ASTL: variants seen among roughly 807,000 people sequenced by gnomAD.
ASTL encodes astacin like metalloendopeptidase.
In ASTL, 27 loss-of-function variants were observed where a neutral mutation model predicts 36.7. The ratio of observed to expected loss-of-function variants is 0.73; its 90% CI spans 0.54 to 1.01. ASTL has a LOEUF of 1.01. ASTL is among the 50% of genes least tolerant of loss of function. The pLI is 0.00. For missense variants in ASTL, 524 were observed against 572.8 expected, an observed-to-expected ratio of 0.91 and a Z score of 0.87; for synonymous variants, 222 against 228.1, an observed-to-expected ratio of 0.97 and a Z score of 0.24.
chr2:96,126,678 A>C (rs1682070154), intron 8 of ASTL, among the ~76,000 whole-genome samples: 1 of 152,158 alleles, frequency 6.6e-6, no homozygotes, highest in Admixed American at 6.5e-5. Flanking sequence ...CAACATGGTG[A>C]AACCCCATCT....
At chr2:96,129,125 A>T (rs1424845180) in intron 8 of ASTL, among the ~76,000 whole-genome samples, 2 of 152,188 alleles carry the variant, frequency 1.3e-5, no homozygotes, top group Non-Finnish European at 2.9e-5. Context: ...GGGAAGACTG[A>T]ATTTTTATAA....
chr2:96,123,753 G>A lies in ASTL; in HGVS notation c.*97C>T. 1.0e-6 allele frequency: 1 copy of A among 979,322 alleles called. No individual in the cohort carries two copies. The highest frequency in any genetic ancestry group is 1.5e-6 in the Non-Finnish European group (1 of 646,590). 60.7% of individuals were successfully genotyped at this position (979,322 alleles called of 1,614,324 possible). A position where few individuals can be genotyped will look rare whatever the true frequency, so the allele number is the denominator to read the frequency against. ...TGAGATGGGGTGGTAGGTTGGGGCTGGAAGACAGTGGTGTGGCCCAAAGGA... is the reference window on the plus strand; with the variant it reads ...TGAGATGGGGTGGTAGGTTGGGGCTAGAAGACAGTGGTGTGGCCCAAAGGA... On this transcript the variant is annotated 3_prime_UTR_variant, in exon 9 of 9. Transcript: ENST00000342380.
rs190715322 is a variant in ASTL, at chr2:96,126,464, C to G, written c.875-2193G>C. Among the ~76,000 whole-genome samples, 6 of 152,318 alleles carry G rather than the reference C, an allele frequency of 3.9e-5. No individual in the cohort carries two copies. The East Asian group carries it at 1.2e-3, about 29-fold the overall frequency. On this transcript the variant is annotated intron_variant, in intron 8 of 8. Coordinates refer to ENST00000342380, the MANE Select transcript of ASTL (RefSeq NM_001002036.4). ...ACAATGAGATACTACTTCACACTCA[C>G]TAGGCTGGTTCTAACCAAAATGATA...
chr2:96,132,550 C>T lies in ASTL; in HGVS notation c.627G>A (p.Glu209=). 6.3e-7 allele frequency: 1 copy of T among 1,596,326 alleles called. No individual in the cohort carries two copies. The highest frequency in any genetic ancestry group is 8.6e-7 in the Non-Finnish European group (1 of 1,166,360). ...RDRYIRVNWN[E]ILPGFEINFI... is the part of the protein sequence containing the mutation. The stretch of plus-strand genomic sequence containing the variant: ...TGTGGCCTGGCTCACCTGGCAGGAT[C>T]TCGTTCCAGTTGACACGGATATAGC... Residue 209 remains glutamate (E), a synonymous_variant, in exon 6 of 9, where the codon GAG becomes GAA. Transcript: ENST00000342380. This position sits in a 1 kb window ranked among gnomAD's most constrained non-coding sequence, Gnocchi z 5.4.
In ASTL at chr2:96,125,274, T is replaced by C. The variant is rs185049813; in HGVS notation, c.875-1003A>G. Among the ~76,000 whole-genome samples the C allele has an allele frequency of 4.7e-3, 718 of 152,170 alleles. 9 individuals are homozygous for C. Among genetic ancestry groups the C allele is most frequent in the African/African-American group, 0.017 (687 of 41,516 alleles). ...CCCACCTCTACCAGGTGTCTCCTGC[T>C]CTCCAGTCAGCGGAGGCACATCTTC... On this transcript the variant is annotated intron_variant, in intron 8 of 8. Transcript: ENST00000342380.
chr2:96,123,055 C>T lies in ASTL; in HGVS notation c.*795G>A, dbSNP rs191067895. Among the ~76,000 whole-genome samples, 387 of 152,180 alleles carry T rather than the reference C, an allele frequency of 2.5e-3. 1 individual carries two copies. The highest frequency in any genetic ancestry group is 3.6e-3 in the Non-Finnish European group (246 of 67,968). On this transcript the variant is annotated 3_prime_UTR_variant, in exon 9 of 9. Coordinates refer to ENST00000342380, the MANE Select transcript of ASTL (RefSeq NM_001002036.4). The stretch of plus-strand genomic sequence containing the variant: ...AGGAGTAGGGCCTGCCTGGAGGAGG[C>T]CAGGCTGGGAGCTGGGGCAGAGGAG...
rs1192267553 is a variant in ASTL at position 96,132,118 on chromosome 2, C to A, written c.637+422G>T. Among the ~76,000 whole-genome samples, 3 of 152,240 alleles carry A rather than the reference C, an allele frequency of 2.0e-5. No homozygotes were observed. The highest frequency in any genetic ancestry group is 2.9e-5 in the Non-Finnish European group (2 of 68,042). On this transcript the variant is annotated intron_variant, in intron 6 of 8. Coordinates refer to ENST00000342380, the MANE Select transcript of ASTL (RefSeq NM_001002036.4). The surrounding 1 kb of genome is among the most constrained non-coding windows in gnomAD (Gnocchi z 5.4). ...GCACTTGGCTTGTGCAGCCTGCTACCTTGGGGTCCCACTTTGGCTCAGCTC... is the reference window on the plus strand; with the variant it reads ...GCACTTGGCTTGTGCAGCCTGCTACATTGGGGTCCCACTTTGGCTCAGCTC...
intron 3 of ASTL, among the ~76,000 whole-genome samples, chr2:96,134,716 C>A (rs1431043758): frequency 6.6e-6 from 1 of 152,240 alleles, no homozygotes; most frequent in Non-Finnish European, 1.5e-5. Flanking sequence ...TCCTGCCCAG[C>A]CAGAGGCTGT....
chr2:96,133,769 C>T (rs572791454), intron 4 of ASTL, 196 bp downstream of exon 4: 42 of 646,266 alleles, frequency 6.5e-5, no homozygotes, highest in African/African-American at 6.5e-4. Context: ...GATCCCCACT[C>T]GACATACCTT....
intron 2 of ASTL, among the ~76,000 whole-genome samples, chr2:96,136,535 C>T (rs1682302166): frequency 6.6e-6 from 1 of 152,252 alleles, no homozygotes; most frequent in Non-Finnish European, 1.5e-5. Flanking sequence ...TTCTGGTTAC[C>T]TGCAGACCAC....
At chr2:96,133,734 C>T (rs1682234253) in intron 4 of ASTL, 192 bp from the exon 5 acceptor site, 2 of 635,772 alleles carry the variant, frequency 3.1e-6, no homozygotes, top group Non-Finnish European at 5.6e-6. Flanking sequence ...CTGTCCTCTG[C>T]ACCGCATGGT....
Position 96,132,477 on chromosome 2 carries a change from T to G in ASTL, c.637+63A>C. On this transcript the variant is annotated intron_variant, in intron 6 of 8. Transcript: ENST00000342380. The surrounding 1 kb of genome is among the most constrained non-coding windows in gnomAD (Gnocchi z 5.4). The stretch of plus-strand genomic sequence containing the variant: ...GCCTCACCCATGGGGACCAGGCGAC[T>G]TGGGCCCAAGCCGTGCTGTCCCCTC... 6.8e-7 allele frequency: 1 copy of G among 1,478,958 alleles called. No individual in the cohort carries two copies. The highest frequency in any genetic ancestry group is 9.1e-7 in the Non-Finnish European group (1 of 1,094,830). 91.6% of individuals were successfully genotyped at this position (1,478,958 alleles called of 1,614,324 possible).
chr2:96,129,810 G>A lies in ASTL; in HGVS notation c.874+14C>T. 2.6e-6 allele frequency: 4 copies of A among 1,520,398 alleles called. No individual in the cohort carries two copies. The highest frequency in any genetic ancestry group is 1.3e-5 in the South Asian group (1 of 76,510). 94.2% of individuals were successfully genotyped at this position (1,520,398 alleles called of 1,614,324 possible). On this transcript the variant is annotated intron_variant, in intron 8 of 8. Coordinates refer to ENST00000342380, the MANE Select transcript of ASTL (RefSeq NM_001002036.4). ...TTCTCCAGGTTCAAGTCACCTTCCT[G>A]CCATGCCACTCACCTCTCCCACGGG...
rs1681991731 is a variant in ASTL at position 96,123,146 on chromosome 2, C to T, written c.*704G>A. On this transcript the variant is annotated 3_prime_UTR_variant, in exon 9 of 9. Coordinates refer to ENST00000342380, the MANE Select transcript of ASTL (RefSeq NM_001002036.4). ...AGCCCTTTCTCCTTCCAAGGCTGCG[C>T]CTGGCTGAGCTCCAGGGAATAGCGG... is the stretch of plus-strand genomic sequence containing the variant. Among the ~76,000 whole-genome samples the T allele has an allele frequency of 6.6e-6, 1 of 152,246 alleles. No homozygotes were observed. The highest frequency in any genetic ancestry group is 1.5e-5 in the Non-Finnish European group (1 of 68,040).
At chr2:96,133,278 A>G in intron 5 of ASTL, 147 bp downstream of exon 5, 2 of 695,322 alleles carry the variant, frequency 2.9e-6, no homozygotes, top group Non-Finnish European at 5.2e-6. Context: ...CTGGAGGTCC[A>G]GCTCACACTT....
At position 96,137,695 on chromosome 2, in the gene ASTL, T is replaced by A; in HGVS notation, c.61A>T (p.Ile21Phe). ...CTGGAGGCCAGGGGCGCTCCTAGGA[T>A]CACACCTGGTCCAGACAGACAGGGG... The part of the protein sequence containing the change: ...VLGLLSLPGV[I>F]LGAPLASSCA... The change falls in exon 2 of 9, where the codon ATC (isoleucine) becomes TTC (phenylalanine). Residue 21 changes from isoleucine (I) to phenylalanine (F), a missense_variant. Ile to Phe is a conservative substitution (Grantham distance 21). Coordinates refer to ENST00000342380, the MANE Select transcript of ASTL (RefSeq NM_001002036.4). The A allele has an allele frequency of 6.2e-7, 1 of 1,612,174 alleles. No individual in the cohort carries two copies. The highest frequency in any genetic ancestry group is 8.5e-7 in the Non-Finnish European group (1 of 1,179,292).
rs147844234 is a variant in ASTL, at chr2:96,132,079, C to T, written c.637+461G>A. On this transcript the variant is annotated intron_variant, in intron 6 of 8. Transcript: ENST00000342380. The surrounding 1 kb of genome is among the most constrained non-coding windows in gnomAD (Gnocchi z 5.4). ...TGTCCCAGCCCCACAGTGCTGCCCTCAGCCCGTGGCCCAGCACTTGGCTTG... is the reference window on the plus strand; with the variant it reads ...TGTCCCAGCCCCACAGTGCTGCCCTTAGCCCGTGGCCCAGCACTTGGCTTG... 9.8e-4 allele frequency among the ~76,000 whole-genome samples: 150 copies of T among 152,364 alleles called. No homozygotes were observed. The highest frequency in any genetic ancestry group is 3.5e-3 in the African/African-American group (145 of 41,586).
Position 96,124,013 on chromosome 2 carries a change from G to A in ASTL, c.1133C>T (p.Ala378Val), listed in dbSNP as rs756587078. The change falls in exon 9 of 9, where the codon GCC (alanine) becomes GTC (valine). Residue 378 changes from alanine to valine, a missense_variant. By Grantham distance (64) the Ala-to-Val change is moderately conservative. Transcript: ENST00000342380. The surrounding 1 kb of genome is among the most constrained non-coding windows in gnomAD (Gnocchi z 4.1). Reference protein sequence around the residue: ...SSPRSRPGAGAPGVAQEQSWL... With the variant: ...SSPRSRPGAGVPGVAQEQSWL... ...GGACTGCTCCTGAGCAACACCGGGG[G>A]CACCTGCTCCAGGCCTTGATCTTGG... 1.7e-5 allele frequency: 28 copies of A among 1,613,926 alleles called. No individual in the cohort carries two copies. The highest frequency in any genetic ancestry group is 2.2e-5 in the South Asian group (2 of 91,092).
Position 96,132,832 on chromosome 2 carries a change from C to T in ASTL, c.456-111G>A, listed in dbSNP as rs1573914593. ...ACAAGATAGACAAACTCCCAACAGG[C>T]AGGCCCCACTCTGGGCTCTAGTCTC... On this transcript the variant is annotated intron_variant, in intron 5 of 8. Transcript: ENST00000342380. The surrounding 1 kb of genome is among the most constrained non-coding windows in gnomAD (Gnocchi z 5.4). 3 of 984,168 alleles carry T rather than the reference C, an allele frequency of 3.0e-6. No individual in the cohort carries two copies. In the East Asian group the frequency reaches 8.0e-5, roughly 26 times the overall value. 61.0% of individuals were successfully genotyped at this position (984,168 alleles called of 1,614,324 possible). A position where few individuals can be genotyped will look rare whatever the true frequency, so the allele number is the denominator to read the frequency against.
Sources: gnomAD v4.1 joint callset for allele counts (sites outside exome capture counted in the v4.1 genomes callset) on GRCh38, gnomAD v4.1.1 for gene constraint, Gnocchi (gnomAD v3.1) non-coding constraint, MANE v1.5 for transcripts, NCBI Gene and HGNC (gene_info 2026-07-23, HGNC 2026-07-21) for gene names.